The following CDC14B variants were observed in gnomAD, a reference collection of about 807,000 sequenced individuals.
CDC14B encodes the protein dual specificity protein phosphatase CDC14B.
Under a neutral mutation model 64.2 loss-of-function variants are expected in CDC14B, and 22 were observed. That is an observed-to-expected ratio of 0.34 (90% CI 0.24 to 0.49). CDC14B has a LOEUF of 0.49. Ranked by LOEUF, CDC14B falls within the 20% of genes least tolerant of loss-of-function variation. The probability of loss-of-function intolerance (pLI) is 0.99; values close to 1 mark genes in which losing one functional copy is unlikely to be tolerated. For missense variants in CDC14B, 498 were observed against 629.9 expected, an observed-to-expected ratio of 0.79 and a Z score of 2.24; for synonymous variants, 191 against 215.8, an observed-to-expected ratio of 0.89 and a Z score of 1.01.
chr9:96,564,067 T>A (rs1843597380), intron 3 of CDC14B, among the ~76,000 whole-genome samples: 1 of 151,574 alleles, frequency 6.6e-6, no homozygotes, highest in Non-Finnish European at 1.5e-5. Context: ...TCAATTAAAT[T>A]TTTTTTTTAA....
At chr9:96,548,714 T>A (rs1841354418) in intron 5 of CDC14B, among the ~76,000 whole-genome samples, 1 of 151,656 alleles carries the variant, frequency 6.6e-6, no homozygotes, top group Non-Finnish European at 1.5e-5. Context: ...GACATGAGAA[T>A]TCCCTGAACC....
At chr9:96,516,182 C>CA (rs1292635024) in intron 12 of CDC14B, among the ~76,000 whole-genome samples, 1 of 151,918 alleles carries the variant, frequency 6.6e-6, no homozygotes, top group Non-Finnish European at 1.5e-5. Context: ...AACAAACAAA[C>CA]AAAAAAACAC....
intron 5 of CDC14B, among the ~76,000 whole-genome samples, chr9:96,547,242 A>G (rs1459302674): frequency 6.6e-6 from 1 of 151,846 alleles, no homozygotes; most frequent in Non-Finnish European, 1.5e-5. Flanking sequence ...AGGCTGGTGG[A>G]TCACCTGAGG....
chr9:96,565,723 T>C (rs935756278), intron 1 of CDC14B, among the ~76,000 whole-genome samples: 3 of 152,270 alleles, frequency 2.0e-5, no homozygotes, highest in South Asian at 2.1e-4. Context: ...TGATTTTTCA[T>C]GTAGTGATAT....
chr9:96,503,901 AC>A (rs1833778184), intron 13 of CDC14B, 112 bp from the exon 14 acceptor site: 1 of 784,316 alleles, frequency 1.3e-6, no homozygotes, highest in East Asian at 2.5e-5. Context: ...TAAAAAGTAT[AC>A]GCTTGCTGTA....
At chr9:96,573,449 C>T (rs1158455053) in intron 1 of CDC14B, among the ~76,000 whole-genome samples, 2 of 150,664 alleles carry the variant, frequency 1.3e-5, no homozygotes, top group South Asian at 2.1e-4. Context: ...TAAGCAATTA[C>T]GAAATGTAAT....
At chr9:96,544,892 GCC>G (rs1302137364) in intron 5 of CDC14B, among the ~76,000 whole-genome samples, 2 of 152,000 alleles carry the variant, frequency 1.3e-5, no homozygotes, top group Non-Finnish European at 2.9e-5. Context: ...AACCTAAAAG[GCC>G]ACGATTTTAC....
intron 1 of CDC14B, among the ~76,000 whole-genome samples, chr9:96,576,020 A>C (rs1254280778): frequency 3.9e-5 from 6 of 152,260 alleles, no homozygotes; most frequent in Non-Finnish European, 8.8e-5. Context: ...TCGCGCCTGT[A>C]ATCCCAGCAC....
intron 13 of CDC14B, among the ~76,000 whole-genome samples, chr9:96,507,923 T>A (rs1834379017): frequency 6.6e-6 from 1 of 152,206 alleles, no homozygotes; most frequent in African/African-American, 2.4e-5. Flanking sequence ...TAAATACAGA[T>A]GTATTGTAGG....
intron 1 of CDC14B, among the ~76,000 whole-genome samples, chr9:96,578,303 T>C (rs1844927431): frequency 6.6e-6 from 1 of 152,262 alleles, no homozygotes; most frequent in African/African-American, 2.4e-5. Flanking sequence ...CACATGTAGC[T>C]ACTTCTCTCC....
At chr9:96,618,057 A>G (rs548654130) in intron 1 of CDC14B, among the ~76,000 whole-genome samples, 1 of 152,282 alleles carries the variant, frequency 6.6e-6, no homozygotes, top group Admixed American at 6.5e-5. Flanking sequence ...CTGGTTCCCA[A>G]GGGCCATCCA....
At chr9:96,544,651 G>T (rs1244865072) in intron 5 of CDC14B, among the ~76,000 whole-genome samples, 2 of 151,958 alleles carry the variant, frequency 1.3e-5, no homozygotes, top group Non-Finnish European at 2.9e-5. Context: ...CACACCACCA[G>T]GCCTGGCTAA....
At chr9:96,520,032 A>C (rs2131490083) in intron 12 of CDC14B, among the ~76,000 whole-genome samples, 1 of 152,342 alleles carries the variant, frequency 6.6e-6, no homozygotes, top group Non-Finnish European at 1.5e-5. Flanking sequence ...AGGGAAAGAA[A>C]GAAAATCTTC....
At chr9:96,548,916 T>G (rs1841386306) in intron 5 of CDC14B, among the ~76,000 whole-genome samples, 1 of 152,230 alleles carries the variant, frequency 6.6e-6, no homozygotes, top group African/African-American at 2.4e-5. Context: ...ATGCCATTCT[T>G]GCACAACGTC....
intron 1 of CDC14B, among the ~76,000 whole-genome samples, chr9:96,572,967 AG>A (rs1844560929): frequency 6.6e-6 from 1 of 152,192 alleles, no homozygotes; most frequent in Non-Finnish European, 1.5e-5. Context: ...AAAACTGGAA[AG>A]GAAGAATCAA....
intron 1 of CDC14B, among the ~76,000 whole-genome samples, chr9:96,582,122 G>A (rs1049717085): frequency 5.9e-5 from 9 of 152,098 alleles, no homozygotes; most frequent in African/African-American, 2.2e-4. Context: ...TCCAGCCCCC[G>A]TCCCACATGC....
intron 1 of CDC14B, among the ~76,000 whole-genome samples, chr9:96,605,785 C>T (rs1000865304): frequency 2.6e-5 from 4 of 151,848 alleles, no homozygotes; most frequent in Non-Finnish European, 4.4e-5. Context: ...CGTTTGAACC[C>T]GGGAGGTGGA....
chr9:96,580,780 T>TAC (rs1452470314), intron 1 of CDC14B, among the ~76,000 whole-genome samples: 5 of 152,210 alleles, frequency 3.3e-5, no homozygotes, highest in Admixed American at 3.3e-4. Context: ...ATGGCAATCA[T>TAC]ACTATCACTT....
chr9:96,606,630 G>A (rs1434840091), intron 1 of CDC14B, among the ~76,000 whole-genome samples: 1 of 150,914 alleles, frequency 6.6e-6, no homozygotes, highest in African/African-American at 2.4e-5. Context: ...GCAATGGTGT[G>A]ATCTCAGCTC....
Sources: allele counts gnomAD v4.1 joint callset (sites outside exome capture counted in the v4.1 genomes callset), GRCh38; gene constraint gnomAD v4.1.1; transcripts MANE v1.5; gene names NCBI Gene and HGNC (gene_info 2026-07-23, HGNC 2026-07-21).